PCDH15: variants seen among roughly 807,000 people sequenced by gnomAD.
PCDH15 encodes the protein protocadherin related 15, also known as protocadherin-15.
PCDH15 carries 129 observed loss-of-function variants against 178.5 expected under a neutral mutation model. The observed-to-expected ratio is 0.72, with a 90% CI of 0.63 to 0.84. The LOEUF (loss-of-function observed/expected upper bound fraction) is 0.84. Ranked by LOEUF, PCDH15 falls within the 40% of genes least tolerant of loss-of-function variation. The pLI, the probability that PCDH15 is intolerant of heterozygous loss-of-function variation, is 0.00. For missense variants in PCDH15, 2,230 were observed against 2,099.9 expected, an observed-to-expected ratio of 1.06 and a Z score of -1.21; for synonymous variants, 800 against 732.0, an observed-to-expected ratio of 1.09 and a Z score of -1.50.
intron 23 of PCDH15, among the ~76,000 whole-genome samples, chr10:53,956,005 GA>G (rs1339472619): frequency 1.3e-5 from 2 of 151,896 alleles, no homozygotes. Flanking sequence ...ATACCATACA[GA>G]AATAAAAATA....
chr10:55,098,222 G>C (rs567959630), intron 2 of PCDH15, among the ~76,000 whole-genome samples: 1 of 152,088 alleles, frequency 6.6e-6, no homozygotes, highest in African/African-American at 2.4e-5. Flanking sequence ...ATTTCCAGAC[G>C]AGGAAATTAA....
chr10:55,290,145 T>C (rs774737283), intron 1 of PCDH15, among the ~76,000 whole-genome samples: 6 of 151,946 alleles, frequency 3.9e-5, no homozygotes, highest in Non-Finnish European at 5.9e-5. Context: ...ATTGTATTAC[T>C]AGATATAATA....
chr10:53,851,747 T>C (rs970475601), intron 28 of PCDH15, among the ~76,000 whole-genome samples: 6 of 144,278 alleles, frequency 4.2e-5, no homozygotes, highest in Admixed American at 7.0e-5. Flanking sequence ...TATATACATA[T>C]ATACTATACA....
At chr10:55,499,824 CAG>C (rs1175683328) in intron 2 of PCDH15, among the ~76,000 whole-genome samples, 1 of 151,528 alleles carries the variant, frequency 6.6e-6, no homozygotes, top group Non-Finnish European at 1.5e-5. Flanking sequence ...TATTTGGTAA[CAG>C]TTCCTTTTAG....
At chr10:55,423,373 C>T (rs1331874756) in intron 2 of PCDH15, among the ~76,000 whole-genome samples, 1 of 151,822 alleles carries the variant, frequency 6.6e-6, no homozygotes, top group African/African-American at 2.4e-5. Context: ...AATTTTGACA[C>T]ATTAATAAAA....
chr10:55,397,248 T>A (rs1453534146), intron 2 of PCDH15, among the ~76,000 whole-genome samples: 1 of 152,198 alleles, frequency 6.6e-6, no homozygotes, highest in East Asian at 1.9e-4. Flanking sequence ...CTCTATATTT[T>A]CAAAGTTGTT....
intron 2 of PCDH15, among the ~76,000 whole-genome samples, chr10:55,537,937 T>C (rs1227846890): frequency 6.6e-6 from 1 of 152,226 alleles, no homozygotes; most frequent in Non-Finnish European, 1.5e-5. Flanking sequence ...GCTTTAAATA[T>C]AATTTAAGAA....
chr10:54,780,022 A>C (rs930474280), intron 1 of PCDH15, among the ~76,000 whole-genome samples: 1 of 152,170 alleles, frequency 6.6e-6, no homozygotes, highest in Non-Finnish European at 1.5e-5. Flanking sequence ...AGCAGTGGTA[A>C]ATTCTACATT....
At chr10:55,245,909 A>G (rs1196541538) in intron 1 of PCDH15, among the ~76,000 whole-genome samples, 1 of 152,220 alleles carries the variant, frequency 6.6e-6, no homozygotes, top group Non-Finnish European at 1.5e-5. Context: ...TAAACCAAAC[A>G]GTTCTATGCT....
At chr10:55,544,687 C>T (rs1005638789) in intron 2 of PCDH15, among the ~76,000 whole-genome samples, 6 of 152,014 alleles carry the variant, frequency 3.9e-5, no homozygotes, top group African/African-American at 1.2e-4. Flanking sequence ...GGAAAATCTG[C>T]GCAAGCCTGG....
intron 2 of PCDH15, among the ~76,000 whole-genome samples, chr10:54,575,644 AG>A (rs1448789072): frequency 6.8e-6 from 1 of 147,606 alleles, no homozygotes; most frequent in East Asian, 2.0e-4. Flanking sequence ...CTTACTCTAC[AG>A]TGCAGGTAGA....
chr10:54,849,550 G>T (rs750611116), intron 3 of PCDH15, among the ~76,000 whole-genome samples: 3 of 152,018 alleles, frequency 2.0e-5, no homozygotes, highest in African/African-American at 7.2e-5. Flanking sequence ...ACCTATTTCC[G>T]CTGGGGCTTT....
chr10:54,658,652 G>A (rs76314278), intron 2 of PCDH15, among the ~76,000 whole-genome samples: 3,059 of 152,112 alleles, frequency 0.02, 63 homozygotes, highest in East Asian at 0.055. Context: ...TTCTAAACAT[G>A]CAAATGAAAG....
chr10:55,156,919 A>C (rs2132107974), intron 2 of PCDH15, among the ~76,000 whole-genome samples: 1 of 152,264 alleles, frequency 6.6e-6, no homozygotes, highest in South Asian at 2.1e-4. Flanking sequence ...CTTAAAATGA[A>C]GTCATGACCA....
At chr10:54,726,446 G>GC (rs1942540299) in intron 1 of PCDH15, among the ~76,000 whole-genome samples, 1 of 150,882 alleles carries the variant, frequency 6.6e-6, no homozygotes, top group African/African-American at 2.4e-5. Context: ...GTGTGTGTGT[G>GC]TGTGTGTGTG....
chr10:54,583,425 A>G (rs1056544926), intron 2 of PCDH15, among the ~76,000 whole-genome samples: 3 of 152,030 alleles, frequency 2.0e-5, no homozygotes, highest in African/African-American at 7.2e-5. Flanking sequence ...TGGAGAGGAC[A>G]AAATTAAAGG....
intron 2 of PCDH15, among the ~76,000 whole-genome samples, chr10:55,093,236 A>G (rs1211320948): frequency 2.0e-5 from 3 of 152,126 alleles, no homozygotes; most frequent in Non-Finnish European, 4.4e-5. Flanking sequence ...GAACTGGGGT[A>G]TCATGTAATT....
At chr10:54,660,016 A>G (rs1157657973) in intron 2 of PCDH15, among the ~76,000 whole-genome samples, 2 of 152,112 alleles carry the variant, frequency 1.3e-5, no homozygotes, top group South Asian at 4.1e-4. Context: ...AATATCATAC[A>G]TCAAGGAACT....
chr10:54,893,218 A>T (rs971726435), intron 3 of PCDH15, among the ~76,000 whole-genome samples: 129 of 152,230 alleles, frequency 8.5e-4, no homozygotes, highest in African/African-American at 2.9e-3. Context: ...GGAAATTTTT[A>T]AAAAATTCTA....
Sources: allele counts gnomAD v4.1 joint callset (sites outside exome capture counted in the v4.1 genomes callset), GRCh38; gene constraint gnomAD v4.1.1; transcripts MANE v1.5; gene names NCBI Gene and HGNC (gene_info 2026-07-23, HGNC 2026-07-21).